Variants in KCNH7 observed in about 807,000 individuals in gnomAD.
KCNH7 encodes the protein potassium voltage-gated channel subfamily H member 7.
A neutral mutation model predicts 120.8 loss-of-function variants in KCNH7; 49 were observed. The ratio of observed to expected loss-of-function variants is 0.41; its 90% confidence interval spans 0.32 to 0.51. KCNH7 has a LOEUF of 0.51. KCNH7 is among the 20% of genes least tolerant of loss of function. The pLI, the probability that KCNH7 is intolerant of heterozygous loss-of-function variation, is 0.38. For missense variants in KCNH7, 1,097 were observed against 1,446.6 expected (o/e 0.76, Z 3.92); for synonymous variants, 547 against 516.1 (o/e 1.06, Z -0.81).
chr2:162,443,602 C>A (rs1688491850), intron 7 of KCNH7, among the ~76,000 whole-genome samples: 1 of 152,290 alleles, frequency 6.6e-6, no homozygotes, highest in Non-Finnish European at 1.5e-5. Flanking sequence ...TCCCAAATTT[C>A]TTTACTTTTC....
chr2:162,836,453 G>T (rs1197412876), intron 2 of KCNH7, 84 bp downstream of exon 2: 5 of 1,011,930 alleles, frequency 4.9e-6, no homozygotes, highest in Non-Finnish European at 7.4e-6. Flanking sequence ...AACATTTTGG[G>T]CTTCTTTGCA....
At chr2:162,598,146 G>A (rs926772595) in intron 2 of KCNH7, among the ~76,000 whole-genome samples, 5 of 152,100 alleles carry the variant, frequency 3.3e-5, no homozygotes, top group East Asian at 1.9e-4. Flanking sequence ...AGAAGCTGCC[G>A]AAGCCAACAC....
At chr2:162,513,213 C>T in intron 4 of KCNH7, among the ~76,000 whole-genome samples, 1 of 130,178 alleles carries the variant, frequency 7.7e-6, no homozygotes, top group Non-Finnish European at 1.6e-5. Context: ...TTCCTCCCTT[C>T]CCTCCTTCCC....
intron 2 of KCNH7, among the ~76,000 whole-genome samples, chr2:162,740,074 T>C (rs970304179): frequency 6.6e-6 from 1 of 152,142 alleles, no homozygotes; most frequent in Non-Finnish European, 1.5e-5. Flanking sequence ...TGGTTCTAGT[T>C]CCATGCCTGG....
At chr2:162,822,229 C>T (rs549091976) in intron 2 of KCNH7, among the ~76,000 whole-genome samples, 5 of 151,598 alleles carry the variant, frequency 3.3e-5, no homozygotes, top group South Asian at 4.2e-4. Context: ...ATTTTGAGCA[C>T]GACACTCAAT....
chr2:162,709,119 T>C (rs1334383766), intron 2 of KCNH7, among the ~76,000 whole-genome samples: 1 of 152,108 alleles, frequency 6.6e-6, no homozygotes, highest in East Asian at 1.9e-4. Flanking sequence ...TTTAATTTTA[T>C]CATCTGCAAA....
intron 7 of KCNH7, among the ~76,000 whole-genome samples, chr2:162,435,899 A>G (rs533357013): frequency 2.0e-5 from 3 of 152,218 alleles, no homozygotes; most frequent in South Asian, 2.1e-4. Context: ...TCATTCACCA[A>G]CATACATTCT....
At chr2:162,791,975 GTTT>G (rs534822757) in intron 2 of KCNH7, among the ~76,000 whole-genome samples, 1 of 148,290 alleles carries the variant, frequency 6.7e-6, no homozygotes, top group African/African-American at 2.5e-5. Flanking sequence ...AATTTATCGA[GTTT>G]TTTTTTTAAC....
intron 14 of KCNH7, among the ~76,000 whole-genome samples, chr2:162,374,699 T>G (rs1476758874): frequency 6.6e-6 from 1 of 152,112 alleles, no homozygotes; most frequent in Non-Finnish European, 1.5e-5. Context: ...CTGGAAAACA[T>G]GAGAAAATAT....
intron 6 of KCNH7, among the ~76,000 whole-genome samples, chr2:162,470,634 C>A (rs1239977552): frequency 1.3e-5 from 2 of 150,616 alleles, no homozygotes; most frequent in Admixed American, 1.3e-4. Context: ...GGGGGTCAGC[C>A]CCCCGCCCGG....
At chr2:162,677,079 T>C (rs1442036322) in intron 2 of KCNH7, among the ~76,000 whole-genome samples, 1 of 151,536 alleles carries the variant, frequency 6.6e-6, no homozygotes, top group African/African-American at 2.4e-5. Context: ...ATTAACTGAA[T>C]GTAAAATGAT....
chr2:162,648,285 G>A (rs999797467), intron 2 of KCNH7, among the ~76,000 whole-genome samples: 1 of 152,150 alleles, frequency 6.6e-6, no homozygotes, highest in African/African-American at 2.4e-5. Context: ...GGAGGAAAGA[G>A]TGAAAGCAAA....
chr2:162,634,374 G>C (rs1297544775), intron 2 of KCNH7, among the ~76,000 whole-genome samples: 1 of 152,000 alleles, frequency 6.6e-6, no homozygotes, highest in Non-Finnish European at 1.5e-5. Flanking sequence ...TCAGCAGCTA[G>C]GATGACGTAT....
chr2:162,637,262 T>C (rs1169327347), intron 2 of KCNH7, among the ~76,000 whole-genome samples: 3 of 152,072 alleles, frequency 2.0e-5, no homozygotes, highest in African/African-American at 7.2e-5. Context: ...ATGTGACCTG[T>C]TCTTCTTTCC....
intron 2 of KCNH7, among the ~76,000 whole-genome samples, chr2:162,764,922 A>G (rs1427104185): frequency 1.3e-5 from 2 of 152,196 alleles, no homozygotes; most frequent in African/African-American, 2.4e-5. Context: ...AATTTTTTAA[A>G]GCTGTTATAT....
rs181507686 is a variant in KCNH7, at chr2:162,729,332, A to G, written c.307+107205T>C. Among the ~76,000 whole-genome samples, 249 of 152,098 alleles carry G rather than the reference A, an allele frequency of 1.6e-3. 2 individuals carry two copies. Among genetic ancestry groups the G allele is most frequent in the African/African-American group, 5.7e-3 (238 of 41,496 alleles). ...AGGCGCCCGACACCACGCCCGGCTA[A>G]TTTTCTCTGAATATACCCTATTTTG... is the stretch of plus-strand genomic sequence containing the variant. On this transcript the variant is annotated intron_variant, in intron 2 of 15. Coordinates refer to ENST00000332142, the MANE Select transcript of KCNH7 (RefSeq NM_033272.4).
rs1559092506 is a variant in KCNH7 at position 162,707,676 on chromosome 2, C to G, written c.307+128861G>C. 7.2e-5 allele frequency among the ~76,000 whole-genome samples: 11 copies of G among 152,146 alleles called. No homozygotes were observed. In the South Asian group the frequency reaches 2.3e-3, roughly 32 times the overall value. ...ATGTAGGAAATGTATATAAATAGCTCTGATATAAAGAAGTATTAATATCCT... is the reference window on the plus strand; with the variant it reads ...ATGTAGGAAATGTATATAAATAGCTGTGATATAAAGAAGTATTAATATCCT... On this transcript the variant is annotated intron_variant, in intron 2 of 15. Transcript: ENST00000332142.
intron 2 of KCNH7, among the ~76,000 whole-genome samples, chr2:162,742,110 T>C (rs1227323583): frequency 1.3e-5 from 2 of 152,202 alleles, no homozygotes; most frequent in Non-Finnish European, 2.9e-5. Flanking sequence ...ACCACATCTC[T>C]AGATATTTGC....
intron 6 of KCNH7, among the ~76,000 whole-genome samples, chr2:162,500,336 C>T (rs1351506832): frequency 7.5e-6 from 1 of 132,818 alleles, no homozygotes; most frequent in Non-Finnish European, 1.5e-5. Context: ...TATATATACA[C>T]ATAACATGTA....
Sources: allele counts gnomAD v4.1 joint callset (sites outside exome capture counted in the v4.1 genomes callset), GRCh38; gene constraint gnomAD v4.1.1; transcripts MANE v1.5; gene names NCBI Gene and HGNC (gene_info 2026-07-23, HGNC 2026-07-21).